POLN: variants seen among roughly 807,000 people sequenced by gnomAD.
POLN encodes DNA polymerase nu.
Under a neutral mutation model 113.5 loss-of-function variants are expected in POLN, and 108 were observed. That is an observed-to-expected ratio of 0.95 (90% CI 0.81 to 1.12). The LOEUF is 1.12. Ranked by LOEUF, POLN falls within the 50% of genes most tolerant of loss-of-function variation. The pLI is 0.00. For missense variants in POLN, 1,097 were observed against 1,077.1 expected (o/e 1.02, Z -0.26); for synonymous variants, 386 against 391.5 (o/e 0.99, Z 0.17).
At chr4:2,184,186 A>G (rs1283776990) in intron 7 of POLN, among the ~76,000 whole-genome samples, 5 of 149,422 alleles carry the variant, frequency 3.3e-5, no homozygotes, top group Non-Finnish European at 7.4e-5. Flanking sequence ...GGGTACATAC[A>G]TATCTTGCAA....
chr4:2,105,702 T>C (rs1731048370), intron 19 of POLN, among the ~76,000 whole-genome samples: 1 of 151,982 alleles, frequency 6.6e-6, no homozygotes, highest in African/African-American at 2.4e-5. Flanking sequence ...CCAACACATG[T>C]ACACAGAATG....
intron 20 of POLN, chr4:2,089,414 G>A (rs1403238720): frequency 8.0e-6 from 11 of 1,381,612 alleles, no homozygotes; most frequent in Non-Finnish European, 8.9e-6. Context: ...ACAGATGACT[G>A]GTTACAAAGG....
intron 19 of POLN, among the ~76,000 whole-genome samples, chr4:2,096,366 CACAG>C (rs1730790397): frequency 1.3e-5 from 2 of 152,150 alleles, no homozygotes; most frequent in African/African-American, 4.8e-5. Flanking sequence ...CCTGGCCTCC[CACAG>C]ACAGAGGCCA....
intron 2 of POLN, chr4:2,238,522 C>A: frequency 2.1e-6 from 2 of 930,666 alleles, no homozygotes; most frequent in South Asian, 3.1e-5. Context: ...TAAAAACTTC[C>A]AAAATTTTAG....
chr4:2,190,898 G>C (rs1577756708), intron 7 of POLN, among the ~76,000 whole-genome samples: 1 of 152,164 alleles, frequency 6.6e-6, no homozygotes, highest in African/African-American at 2.4e-5. Context: ...TATGGAGAAA[G>C]GGGAACCCTC....
intron 18 of POLN, 57 bp from the exon 19 acceptor site, chr4:2,128,284 G>T (rs1442456143): frequency 5.2e-6 from 6 of 1,149,504 alleles, no homozygotes; most frequent in Non-Finnish European, 6.4e-6. Flanking sequence ...CCTCGTGTTT[G>T]CTGCGCACCC....
At position 2,080,432 on chromosome 4, in the gene POLN, G is replaced by A. The variant is rs528135849; in HGVS notation, c.2387+526C>T. 638 of 1,106,492 alleles carry A rather than the reference G, an allele frequency of 5.8e-4. 2 individuals carry two copies. Among genetic ancestry groups the A allele is most frequent in the Admixed American group, 2.8e-3 (57 of 20,606 alleles). 68.5% of individuals were successfully genotyped at this position (1,106,492 alleles called of 1,614,324 possible). A position where few individuals can be genotyped will look rare whatever the true frequency, so the allele number is the denominator to read the frequency against. On this transcript the variant is annotated intron_variant, in intron 23 of 25. Transcript: ENST00000511885. ...CTCGGGGGTGGGGGCAGAGCTGGGC[G>A]TGGGGCACACTGCCTGGCACTGGTG...
At chr4:2,107,525 A>G (rs1474258108) in intron 19 of POLN, among the ~76,000 whole-genome samples, 1 of 152,092 alleles carries the variant, frequency 6.6e-6, no homozygotes, top group Non-Finnish European at 1.5e-5. Flanking sequence ...TAACGGGGGT[A>G]GCATTAGGGC....
intron 7 of POLN, among the ~76,000 whole-genome samples, chr4:2,189,824 A>T (rs1344010499): frequency 2.6e-5 from 4 of 151,484 alleles, no homozygotes; most frequent in African/African-American, 4.9e-5. Flanking sequence ...AGGTCAGGAG[A>T]TCAAGACCAT....
intron 19 of POLN, among the ~76,000 whole-genome samples, chr4:2,101,777 C>A (rs1730932627): frequency 6.6e-6 from 1 of 152,230 alleles, no homozygotes; most frequent in African/African-American, 2.4e-5. Context: ...ACAACTAGAA[C>A]TGGGAAGCAA....
At chr4:2,210,950 TAAATAAATAAATA>T (rs1733979004) in intron 4 of POLN, among the ~76,000 whole-genome samples, 1 of 144,206 alleles carries the variant, frequency 6.9e-6, no homozygotes. Flanking sequence ...AATAAATAAA[TAAATAAATAAATA>T]AAATAGTCCA....
rs944517983 is a variant in POLN, at chr4:2,197,589, T to C, written c.908+935A>G. ...ATGTCAACTAAATTCAGAAACATCA[T>C]CCAGATATTAGGGCTCTGTCCTCAC... On this transcript the variant is annotated intron_variant, in intron 6 of 25. Transcript: ENST00000511885. Among the ~76,000 whole-genome samples, 6 of 152,300 alleles carry C rather than the reference T, an allele frequency of 3.9e-5. No individual in the cohort carries two copies. In the East Asian group the frequency reaches 1.2e-3, roughly 29 times the overall value.
chr4:2,178,093 T>A lies in POLN; in HGVS notation c.1179+1215A>T, dbSNP rs562751500. 7.1e-4 allele frequency among the ~76,000 whole-genome samples: 108 copies of A among 152,220 alleles called. 2 individuals are homozygous for A. Among genetic ancestry groups the A allele is most frequent in the Non-Finnish European group, 6.9e-4 (47 of 68,036 alleles). On this transcript the variant is annotated intron_variant, in intron 8 of 25. Transcript: ENST00000511885. The stretch of plus-strand genomic sequence containing the variant: ...AACCCTATTGTTACAAATCTTCACA[T>A]CACAGATGATCTGTGAGGATGAAGT...
intron 13 of POLN, among the ~76,000 whole-genome samples, chr4:2,169,457 A>G (rs1484251194): frequency 6.6e-6 from 1 of 152,154 alleles, no homozygotes; most frequent in African/African-American, 2.4e-5. Flanking sequence ...AGGAGGCGGA[A>G]GGAAAGTCAA....
intron 3 of POLN, among the ~76,000 whole-genome samples, chr4:2,222,883 T>A (rs1203481844): frequency 1.3e-5 from 2 of 152,116 alleles, no homozygotes; most frequent in Admixed American, 6.6e-5. Context: ...CTACCATCTG[T>A]ATTGCACCCA....
chr4:2,199,050 TA>T (rs959749058), intron 5 of POLN, among the ~76,000 whole-genome samples: 1 of 152,184 alleles, frequency 6.6e-6, no homozygotes, highest in African/African-American at 2.4e-5. Context: ...AAGGAACCTA[TA>T]AAAAACGAAT....
intron 19 of POLN, among the ~76,000 whole-genome samples, chr4:2,117,011 G>A (rs1172038814): frequency 1.3e-5 from 2 of 152,190 alleles, no homozygotes; most frequent in African/African-American, 2.4e-5. Flanking sequence ...GACAGCCTAA[G>A]TTATGCTCAA....
chr4:2,171,746 C>T (rs1332643324), intron 11 of POLN, among the ~76,000 whole-genome samples: 2 of 152,030 alleles, frequency 1.3e-5, no homozygotes, highest in Non-Finnish European at 2.9e-5. Context: ...TTGAGCCCAG[C>T]CTGGGCAACA....
chr4:2,169,169 G>A (rs972677267), intron 13 of POLN, among the ~76,000 whole-genome samples: 4 of 152,184 alleles, frequency 2.6e-5, no homozygotes, highest in African/African-American at 7.2e-5. Context: ...AGGAGGTGCC[G>A]GGCCAGGAAG....
Sources: allele counts gnomAD v4.1 joint callset (sites outside exome capture counted in the v4.1 genomes callset), GRCh38; gene constraint gnomAD v4.1.1; transcripts MANE v1.5; gene names NCBI Gene and HGNC (gene_info 2026-07-23, HGNC 2026-07-21).